ADAM22: variants seen among roughly 807,000 people sequenced by gnomAD.
ADAM22 encodes the protein disintegrin and metalloproteinase domain-containing protein 22.
Under a neutral mutation model 144.6 loss-of-function variants are expected in ADAM22, and 65 were observed. The observed-to-expected ratio is 0.45, with a 90% CI of 0.37 to 0.55. The LOEUF is 0.55. Ranked by LOEUF, ADAM22 falls within the 20% of genes least tolerant of loss-of-function variation. ADAM22 has a pLI of 0.00. For missense variants in ADAM22, 974 were observed against 1,184.9 expected (o/e 0.82, Z 2.61); for synonymous variants, 391 against 412.6 (o/e 0.95, Z 0.63).
At chr7:87,979,216 A>G (rs945522839) in intron 3 of ADAM22, among the ~76,000 whole-genome samples, 1 of 152,192 alleles carries the variant, frequency 6.6e-6, no homozygotes, top group Non-Finnish European at 1.5e-5. Context: ...AAGAGTGAGA[A>G]TTAGAGCCTG....
intron 26 of ADAM22, among the ~76,000 whole-genome samples, chr7:88,177,586 A>G (rs918392981): frequency 6.6e-6 from 1 of 152,234 alleles, no homozygotes; most frequent in African/African-American, 2.4e-5. Context: ...AAGAGAGTAG[A>G]TTAAATCACA....
chr7:88,134,552 G>C (rs895120584), intron 13 of ADAM22, 133 bp downstream of exon 13: 2 of 596,640 alleles, frequency 3.4e-6, no homozygotes, highest in African/African-American at 4.0e-5. Context: ...AACATCCAGC[G>C]CACAAACTGT....
At position 88,130,426 on chromosome 7, in the gene ADAM22, C is replaced by G. The variant is rs754187326; in HGVS notation, c.792C>G (p.Thr264=). Residue 264 remains threonine, a synonymous_variant, in exon 10 of 32, where the codon ACC becomes ACG. Coordinates refer to ENST00000413139, the MANE Select transcript of ADAM22 (RefSeq NM_001324418.2). ...KHRLSVVHTN[T]YAKSVVNMAD... ...GGCTTTCCGTTGTACATACCAATAC[C>G]TATGCGAAATCTGTGGTGAACATGG... The G allele has an allele frequency of 1.1e-5, 17 of 1,613,104 alleles. No homozygotes were observed. In the South Asian group the frequency reaches 1.9e-4, roughly 18 times the overall value.
At chr7:88,128,723 C>A in intron 9 of ADAM22, 47 bp downstream of exon 9, 1 of 1,447,082 alleles carries the variant, frequency 6.9e-7, no homozygotes, top group Non-Finnish European at 9.6e-7. Flanking sequence ...TAGGGTAAAA[C>A]TGGTGAGTGC....
intron 2 of ADAM22, among the ~76,000 whole-genome samples, chr7:87,971,476 G>A (rs1785967283): frequency 6.6e-6 from 1 of 152,130 alleles, no homozygotes; most frequent in African/African-American, 2.4e-5. Flanking sequence ...CTTGTATTAT[G>A]TGACCTCTAG....
At chr7:88,036,538 A>G (rs1018851448) in intron 3 of ADAM22, among the ~76,000 whole-genome samples, 2 of 152,182 alleles carry the variant, frequency 1.3e-5, no homozygotes, top group Non-Finnish European at 2.9e-5. Flanking sequence ...ACAGTATAAC[A>G]GCACAGATAT....
chr7:88,186,733 C>A lies in ADAM22; in HGVS notation c.2750+32C>A. 3 of 1,310,018 alleles carry A rather than the reference C, an allele frequency of 2.3e-6. No individual in the cohort carries two copies. In the South Asian group the frequency reaches 3.6e-5, roughly 16 times the overall value. 81.1% of individuals were successfully genotyped at this position (1,310,018 alleles called of 1,614,324 possible). ...TATAAATTAATTTTTATATCCTTCTCAAACTCTCCCAGCACATACAAATAC... is the reference window on the plus strand; with the variant it reads ...TATAAATTAATTTTTATATCCTTCTAAAACTCTCCCAGCACATACAAATAC... On this transcript the variant is annotated intron_variant, in intron 30 of 31. Transcript: ENST00000413139.
intron 2 of ADAM22, among the ~76,000 whole-genome samples, chr7:87,976,631 G>A (rs1851952979): frequency 6.6e-6 from 1 of 152,208 alleles, no homozygotes; most frequent in Non-Finnish European, 1.5e-5. Flanking sequence ...TGAAGGATGA[G>A]TAGGGCCGTT....
At chr7:88,084,132 G>A (rs1817756187) in intron 4 of ADAM22, among the ~76,000 whole-genome samples, 1 of 152,070 alleles carries the variant, frequency 6.6e-6, no homozygotes, top group Admixed American at 6.6e-5. Context: ...CATGGAGGGT[G>A]GACCCAGCAG....
chr7:88,106,181 C>T (rs1824333104), intron 4 of ADAM22, among the ~76,000 whole-genome samples: 1 of 152,144 alleles, frequency 6.6e-6, no homozygotes, highest in African/African-American at 2.4e-5. Flanking sequence ...CTTCTGGGTT[C>T]CATTCCCTGT....
chr7:87,935,255 C>A, intron 2 of ADAM22, 69 bp downstream of exon 2: 2 of 1,457,584 alleles, frequency 1.4e-6, no homozygotes, highest in South Asian at 1.4e-5. Context: ...CGATTGCGCT[C>A]GGTTGCCCTG....
intron 8 of ADAM22, among the ~76,000 whole-genome samples, chr7:88,128,398 C>T (rs1339896196): frequency 6.6e-6 from 1 of 152,016 alleles, no homozygotes; most frequent in Non-Finnish European, 1.5e-5. Context: ...CATTCATCTT[C>T]TGCCCTTTTA....
chr7:88,021,991 G>A (rs532251686), intron 3 of ADAM22, among the ~76,000 whole-genome samples: 3 of 151,742 alleles, frequency 2.0e-5, no homozygotes, highest in African/African-American at 2.4e-5. Flanking sequence ...TCCCATTTCC[G>A]CCTCCCGAAT....
chr7:87,948,562 G>T (rs1447004210), intron 2 of ADAM22, among the ~76,000 whole-genome samples: 1 of 152,014 alleles, frequency 6.6e-6, no homozygotes, highest in Non-Finnish European at 1.5e-5. Context: ...TATATGCTTA[G>T]TTTACCCTCT....
intron 2 of ADAM22, among the ~76,000 whole-genome samples, chr7:87,950,421 G>C (rs1460394068): frequency 6.8e-6 from 1 of 147,842 alleles, no homozygotes; most frequent in Non-Finnish European, 1.5e-5. Flanking sequence ...AGTTTACTGA[G>C]AATGATGATT....
chr7:87,975,357 T>C (rs1259615357), intron 2 of ADAM22, among the ~76,000 whole-genome samples: 2 of 152,210 alleles, frequency 1.3e-5, no homozygotes, highest in African/African-American at 2.4e-5. Flanking sequence ...ATGATCAGTT[T>C]TCTTCACTAC....
intron 20 of ADAM22, among the ~76,000 whole-genome samples, chr7:88,152,380 A>G (rs10271704): frequency 0.99 from 150,835 of 152,304 alleles, 74,698 homozygotes; most frequent in East Asian, 1. Context: ...AGATACTGAT[A>G]TACCTTAAAA....
At chr7:88,082,107 C>G (rs1332011746) in intron 4 of ADAM22, among the ~76,000 whole-genome samples, 11 of 152,132 alleles carry the variant, frequency 7.2e-5, no homozygotes. Context: ...CTACAGTAAC[C>G]AAAACAGTAT....
chr7:88,029,761 G>GTT, intron 3 of ADAM22, among the ~76,000 whole-genome samples: 1 of 149,320 alleles, frequency 6.7e-6, no homozygotes, highest in South Asian at 2.1e-4. Context: ...TGGGGTAAAA[G>GTT]TTTTTTTTTT....
Sources: allele counts gnomAD v4.1 joint callset (sites outside exome capture counted in the v4.1 genomes callset), GRCh38; gene constraint gnomAD v4.1.1; transcripts MANE v1.5; gene names NCBI Gene and HGNC (gene_info 2026-07-23, HGNC 2026-07-21).